The following TRIM49 variants were observed in gnomAD, a reference collection of about 807,000 sequenced individuals.
The protein encoded by TRIM49 is tripartite motif containing 49, also known as tripartite motif-containing protein 49.
Under a neutral mutation model 27.4 loss-of-function variants are expected in TRIM49, and 5 were observed. The ratio of observed to expected loss-of-function variants is 0.18; its 90% CI spans 0.10 to 0.38. TRIM49 has a LOEUF of 0.38. TRIM49 is among the 10% of genes least tolerant of loss of function. The pLI is 1.00. For missense variants in TRIM49, 188 were observed against 487.5 expected (o/e 0.39, Z 5.79); for synonymous variants, 69 against 166.0 (o/e 0.42, Z 4.49).
the TRIM49 span, among the ~76,000 whole-genome samples, chr11:89,792,528 A>G: frequency 1.4e-3 from 209 of 152,172 alleles, no homozygotes; most frequent in African/African-American, 4.9e-3. Flanking sequence ...AAAGAACAGA[A>G]ATTATAACAA....
intron 5 of TRIM49, among the ~76,000 whole-genome samples, chr11:89,801,293 T>A (rs1351110037): frequency 1.4e-5 from 2 of 145,282 alleles, no homozygotes; most frequent in Non-Finnish European, 1.5e-5. Flanking sequence ...ACTGAACCTG[T>A]TACCCAAATG....
At chr11:89,766,725 A>C in the TRIM49 span, 1 of 1,534,106 alleles carries the variant, frequency 6.5e-7, no homozygotes, top group East Asian at 2.4e-5. Context: ...AAACACACCA[A>C]CTCGGCCCAG....
chr11:89,785,150 C>T, the TRIM49 span, among the ~76,000 whole-genome samples: 2 of 145,652 alleles, frequency 1.4e-5, 1 homozygote, highest in East Asian at 4.1e-4. Flanking sequence ...ACCGAGGAGG[C>T]AAAGATAGCA....
At chr11:89,786,754 CAG>C in the TRIM49 span, 1 of 138,658 alleles carries the variant, frequency 7.2e-6, no homozygotes, top group Non-Finnish European at 1.5e-5. Flanking sequence ...CAGACGGACA[CAG>C]AGGCATCACG....
intron 1 of TRIM49, among the ~76,000 whole-genome samples, chr11:89,808,090 T>C (rs1366012785): frequency 1.5e-5 from 2 of 136,862 alleles, no homozygotes; most frequent in Non-Finnish European, 3.1e-5. Context: ...ACCACGGGAA[T>C]TATTTTGGGG....
At chr11:89,804,961 C>G (rs537027927) in intron 2 of TRIM49, among the ~76,000 whole-genome samples, 31 of 151,182 alleles carry the variant, frequency 2.1e-4, no homozygotes, top group African/African-American at 7.3e-4. Context: ...CAGCAAACCA[C>G]CATGGCACAA....
intron 6 of TRIM49, 157 bp from the exon 7 acceptor site, chr11:89,799,970 T>G (rs1211240772): frequency 1.6e-6 from 1 of 612,890 alleles, no homozygotes. Flanking sequence ...CTTTACAGTT[T>G]CTAAATTTTA....
Position 89,803,511 on chromosome 11 carries a change from G to A in TRIM49, c.507+187C>T, listed in dbSNP as rs796746661. Among the ~76,000 whole-genome samples the A allele has an allele frequency of 3.0e-4, 46 of 151,406 alleles. No individual in the cohort carries two copies. The South Asian group carries it at 8.7e-3, about 29-fold the overall frequency. On this transcript the variant is annotated intron_variant, in intron 4 of 7. Transcript: ENST00000329758. Reference sequence around the variant, plus strand: ...TTGGGTGACATCAGTAGTTTTCTTAGAAATCCTACCTAACAGGCATACTAT... The same window carrying A: ...TTGGGTGACATCAGTAGTTTTCTTAAAAATCCTACCTAACAGGCATACTAT...
At chr11:89,767,582 C>T in the TRIM49 span, among the ~76,000 whole-genome samples, 1 of 124,128 alleles carries the variant, frequency 8.1e-6, no homozygotes, top group South Asian at 2.4e-4. Context: ...CCAGAATTAT[C>T]TGACTTTCAT....
downstream of TRIM49, among the ~76,000 whole-genome samples, chr11:89,793,744 A>C (rs1365723312): frequency 6.6e-6 from 1 of 151,992 alleles, no homozygotes; most frequent in Admixed American, 6.6e-5. Context: ...CAAAATAATA[A>C]GAGCTATTTA....
chr11:89,784,175 G>T, the TRIM49 span, among the ~76,000 whole-genome samples: 3 of 111,644 alleles, frequency 2.7e-5, no homozygotes, highest in Non-Finnish European at 4.8e-5. Flanking sequence ...AATAACCCAA[G>T]AGATTTGTTC....
At chr11:89,802,138 AT>A (rs1404389660) in intron 4 of TRIM49, among the ~76,000 whole-genome samples, 1 of 124,050 alleles carries the variant, frequency 8.1e-6, no homozygotes, top group Non-Finnish European at 1.7e-5. Flanking sequence ...TTTATTCAAG[AT>A]AATGTGTTTT....
the TRIM49 span, among the ~76,000 whole-genome samples, chr11:89,791,811 G>A: frequency 2.0e-5 from 3 of 152,002 alleles, no homozygotes; most frequent in African/African-American, 4.8e-5. Flanking sequence ...AAAGACCATC[G>A]ATGCTAGGAA....
At chr11:89,792,836 T>A (rs1284333533), downstream of TRIM49, among the ~76,000 whole-genome samples, 1 of 151,972 alleles carries the variant, frequency 6.6e-6, no homozygotes, top group Admixed American at 6.6e-5. Flanking sequence ...CTAAAAGAAC[T>A]AGAGAAGCAA....
rs1949759329 is a variant in TRIM49 at position 89,803,715 on chromosome 11, T to C, written c.490A>G (p.Arg164Gly). ...GGACTAACCTTCCAGCATCTGGTTC[T>C]GGTGGTTTCCACATTCAGGTTTCTG... is the stretch of plus-strand genomic sequence containing the variant. ...NHRNLNVETTRTRCWKDYVNL... is the reference protein window; with the variant it reads ...NHRNLNVETTGTRCWKDYVNL... Residue 164 changes from arginine (R) to glycine (G), a missense_variant, in exon 4 of 8, where the codon AGA becomes GGA. Physicochemically the swap from Arg to Gly is moderately radical, Grantham distance 125. This residue lies in a region of TRIM49 where 14 missense variants were observed against 118.8 expected (regional missense o/e 0.12). Transcript: ENST00000329758. The C allele has an allele frequency of 7.5e-6, 10 of 1,330,676 alleles. No individual in the cohort carries two copies. Among genetic ancestry groups the C allele is most frequent in the Non-Finnish European group, 1.0e-5 (10 of 976,170 alleles). The allele number at this position is 1,330,676 out of a possible 1,614,324, so 82.4% of individuals were successfully genotyped here. A position where few individuals can be genotyped will look rare whatever the true frequency, so the allele number is the denominator to read the frequency against.
At chr11:89,794,039 G>A (rs1342635371), downstream of TRIM49, among the ~76,000 whole-genome samples, 2 of 142,850 alleles carry the variant, frequency 1.4e-5, no homozygotes, top group African/African-American at 5.2e-5. Flanking sequence ...CTTCAGCAAA[G>A]TCACAGGGTA....
rs548332287 is a variant in TRIM49, at chr11:89,803,710, G to C, written c.495C>G (p.Thr165=). The change falls in exon 4 of 8, where the codon ACC becomes ACG. Residue 165 remains threonine (T), a synonymous_variant. Transcript: ENST00000329758. The stretch of plus-strand genomic sequence containing the variant: ...GTACAGGACTAACCTTCCAGCATCT[G>C]GTTCTGGTGGTTTCCACATTCAGGT... ...HRNLNVETTR[T]RCWKDYVNLR... is the part of the protein sequence containing the mutation. The C allele has an allele frequency of 7.7e-7, 1 of 1,290,532 alleles. No homozygotes were observed. Among genetic ancestry groups the C allele is most frequent in the Non-Finnish European group, 1.1e-6 (1 of 942,208 alleles). 79.9% of individuals were successfully genotyped at this position (1,290,532 alleles called of 1,614,324 possible).
chr11:89,798,316 G>A lies in TRIM49; in HGVS notation c.1173C>T (p.Leu391=), dbSNP rs759911413. 6.4e-7 allele frequency: 1 copy of A among 1,573,162 alleles called. No individual in the cohort carries two copies. The highest frequency in any genetic ancestry group is 1.5e-5 in the African/African-American group (1 of 66,616). ...GCAGCATAAGTGGGGAGGTGGTAAA[G>A]AGACTGCATTGAATGTCATTCTTAA... is the stretch of plus-strand genomic sequence containing the variant. ...GCVKNDIQCS[L]FTTSPLMLQY... is the part of the protein sequence containing the mutation. Residue 391 remains leucine, a synonymous_variant, in exon 8 of 8, where the codon CTC becomes CTT. Transcript: ENST00000329758.
chr11:89,790,632 C>T, the TRIM49 span, among the ~76,000 whole-genome samples: 1 of 151,946 alleles, frequency 6.6e-6, no homozygotes, highest in South Asian at 2.1e-4. Flanking sequence ...GATACCCAGG[C>T]AAACAGTGTC....
Sources: allele counts gnomAD v4.1 joint callset (sites outside exome capture counted in the v4.1 genomes callset), GRCh38; gene constraint gnomAD v4.1.1; regional missense constraint gnomAD v4.1.1; transcripts MANE v1.5; gene names NCBI Gene and HGNC (gene_info 2026-07-23, HGNC 2026-07-21).